SND1: variants seen among roughly 807,000 people sequenced by gnomAD.
The protein encoded by SND1 is staphylococcal nuclease and tudor domain containing 1, also known as staphylococcal nuclease domain-containing protein 1.
In SND1, 38 loss-of-function variants were observed where a neutral mutation model predicts 121.7. That is an observed-to-expected ratio of 0.31 (90% confidence interval 0.24 to 0.41). The LOEUF is 0.41. SND1 is among the 10% of genes least tolerant of loss of function. SND1 has a pLI of 1.00. For synonymous variants in SND1, 401 were observed against 447.4 expected (o/e 0.90, Z 1.31); for missense variants, 868 against 1,184.6 (o/e 0.73, Z 3.92).
intron 15 of SND1, among the ~76,000 whole-genome samples, chr7:127,955,397 G>T (rs145193237): frequency 1.3e-5 from 2 of 152,186 alleles, no homozygotes; most frequent in South Asian, 2.1e-4. Flanking sequence ...ATGGAGAACC[G>T]CACCTTATCT....
At chr7:128,044,322 C>A (rs1181820417) in intron 16 of SND1, among the ~76,000 whole-genome samples, 1 of 152,170 alleles carries the variant, frequency 6.6e-6, no homozygotes, top group East Asian at 1.9e-4. Flanking sequence ...CAGGCCGCAT[C>A]CACAAAGGGA....
intron 10 of SND1, among the ~76,000 whole-genome samples, chr7:127,767,192 T>C (rs190359774): frequency 1.7e-3 from 260 of 152,316 alleles, no homozygotes; most frequent in African/African-American, 5.9e-3. Flanking sequence ...TGACTAGGTG[T>C]GGTGCCGTTC....
At chr7:127,958,724 G>C (rs1801658313) in intron 15 of SND1, among the ~76,000 whole-genome samples, 1 of 152,192 alleles carries the variant, frequency 6.6e-6, no homozygotes, top group Non-Finnish European at 1.5e-5. Context: ...AAAGAGGTAA[G>C]TGGGGCTCTC....
intron 2 of SND1, among the ~76,000 whole-genome samples, chr7:127,692,075 G>A (rs953562014): frequency 1.3e-5 from 2 of 152,166 alleles, no homozygotes; most frequent in African/African-American, 4.8e-5. Context: ...CAGATGGCAC[G>A]GTGGGGTGGT....
intron 12 of SND1, among the ~76,000 whole-genome samples, chr7:127,883,929 A>C (rs1015088591): frequency 6.6e-6 from 1 of 152,144 alleles, no homozygotes; most frequent in Non-Finnish European, 1.5e-5. Context: ...AGTCGTGTCT[A>C]CCAGGCTTCT....
chr7:127,919,124 A>G (rs1413540613), intron 14 of SND1, among the ~76,000 whole-genome samples: 2 of 152,232 alleles, frequency 1.3e-5, no homozygotes, highest in East Asian at 3.8e-4. Flanking sequence ...TTGAACCTAT[A>G]CTGGTATGTC....
chr7:128,018,564 G>C (rs541475857), intron 16 of SND1, among the ~76,000 whole-genome samples: 2 of 152,324 alleles, frequency 1.3e-5, no homozygotes, highest in South Asian at 2.1e-4. Flanking sequence ...CTCTGGCACT[G>C]CCCCAGAGCC....
intron 16 of SND1, among the ~76,000 whole-genome samples, chr7:128,070,785 C>A (rs565737561): frequency 9.2e-5 from 14 of 152,102 alleles, no homozygotes; most frequent in Non-Finnish European, 2.1e-4. Flanking sequence ...AGTATACAGT[C>A]GATCTTCATT....
At chr7:128,055,258 C>G (rs947373497) in intron 16 of SND1, among the ~76,000 whole-genome samples, 3 of 152,210 alleles carry the variant, frequency 2.0e-5, no homozygotes, top group Non-Finnish European at 2.9e-5. Flanking sequence ...GCTCCTCCCC[C>G]TGGCAGCTCT....
chr7:127,976,969 G>A (rs369776066), intron 15 of SND1, among the ~76,000 whole-genome samples: 11 of 152,228 alleles, frequency 7.2e-5, no homozygotes, highest in African/African-American at 1.9e-4. Flanking sequence ...GATTCCGCCC[G>A]CACTAATGGA....
intron 16 of SND1, among the ~76,000 whole-genome samples, chr7:128,048,823 A>G (rs977176107): frequency 1.3e-5 from 2 of 152,142 alleles, no homozygotes; most frequent in Admixed American, 6.5e-5. Flanking sequence ...TAAAATATTC[A>G]TCACTCCCCC....
intron 12 of SND1, among the ~76,000 whole-genome samples, chr7:127,845,095 G>T (rs1378439065): frequency 2.0e-5 from 3 of 152,148 alleles, no homozygotes; most frequent in East Asian, 3.8e-4. Flanking sequence ...TATGCTAGTT[G>T]TTACCAAACT....
chr7:128,026,087 G>A (rs528338739), intron 16 of SND1, among the ~76,000 whole-genome samples: 8 of 151,932 alleles, frequency 5.3e-5, no homozygotes, highest in African/African-American at 1.2e-4. Context: ...AACTTCCTCC[G>A]CAATTTCCTC....
intron 7 of SND1, among the ~76,000 whole-genome samples, chr7:127,704,141 T>C (rs917009713): frequency 2.6e-5 from 4 of 152,224 alleles, no homozygotes; most frequent in African/African-American, 9.6e-5. Context: ...GATAGTTGGG[T>C]TATTCTTAGA....
At chr7:127,813,996 T>G (rs997207940) in intron 11 of SND1, among the ~76,000 whole-genome samples, 6 of 152,222 alleles carry the variant, frequency 3.9e-5, no homozygotes, top group African/African-American at 1.4e-4. Context: ...GGGAAATGAT[T>G]TATTAGCTAC....
intron 16 of SND1, among the ~76,000 whole-genome samples, chr7:128,056,265 CCCCTGCCAAGCCTGG>C (rs1442213715): frequency 6.6e-6 from 1 of 152,202 alleles, no homozygotes; most frequent in African/African-American, 2.4e-5. Context: ...TATGATCTAT[CCCCTGCCAAGCCTGG>C]CTTTTGGACA....
At chr7:128,007,313 A>G (rs1001262670) in intron 16 of SND1, among the ~76,000 whole-genome samples, 1 of 152,160 alleles carries the variant, frequency 6.6e-6, no homozygotes, top group Non-Finnish European at 1.5e-5. Flanking sequence ...CATTTAATGC[A>G]CATGTTTTTC....
intron 10 of SND1, among the ~76,000 whole-genome samples, chr7:127,796,068 A>G (rs931538104): frequency 6.6e-6 from 1 of 151,942 alleles, no homozygotes; most frequent in East Asian, 1.9e-4. Context: ...CATGTTAGCC[A>G]GGATGGTCTC....
intron 10 of SND1, among the ~76,000 whole-genome samples, chr7:127,733,156 T>C (rs1213977596): frequency 1.3e-5 from 2 of 152,190 alleles, no homozygotes; most frequent in Non-Finnish European, 2.9e-5. Context: ...AGGATTAATA[T>C]AAGGGAGTGA....
Sources: allele counts gnomAD v4.1 joint callset (sites outside exome capture counted in the v4.1 genomes callset), GRCh38; gene constraint gnomAD v4.1.1; transcripts MANE v1.5; gene names NCBI Gene and HGNC (gene_info 2026-07-23, HGNC 2026-07-21).